The following MTERF4 variants were observed in gnomAD, a reference collection of about 807,000 sequenced individuals.
The protein encoded by MTERF4 is mitochondrial transcription termination factor 4.
In MTERF4, 17 loss-of-function variants were observed where a neutral mutation model predicts 22.5. The ratio of observed to expected loss-of-function variants is 0.75; its 90% CI spans 0.52 to 1.13. The LOEUF (loss-of-function observed/expected upper bound fraction) is 1.13, where lower values mean the gene tolerates loss of function less well. MTERF4 is among the 50% of genes most tolerant of loss of function. MTERF4 has a pLI of 0.00. For synonymous variants in MTERF4, 165 were observed against 175.3 expected (o/e 0.94, Z 0.47); for missense variants, 420 against 466.8 (o/e 0.90, Z 0.92).
chr2:241,071,966 GCCCACC>G, downstream of MTERF4: 1 of 1,112,986 alleles, frequency 9.0e-7, no homozygotes, highest in Non-Finnish European at 1.3e-6. Context: ...TACATGATGA[GCCCACC>G]CCCACCGCCA....
At chr2:241,078,682 TC>T (rs1483388655) in intron 4 of MTERF4, among the ~76,000 whole-genome samples, 1 of 151,870 alleles carries the variant, frequency 6.6e-6, no homozygotes, top group Non-Finnish European at 1.5e-5. Flanking sequence ...GTACAAGGTT[TC>T]TTTCTGAGGT....
At chr2:241,062,994 T>A in the MTERF4 span, 2 of 817,564 alleles carry the variant, frequency 2.4e-6, no homozygotes, top group Non-Finnish European at 3.8e-6. Flanking sequence ...GGTCTCTGTC[T>A]GGATGGCCAG....
At chr2:241,048,837 C>T in the MTERF4 span, 1 of 1,363,142 alleles carries the variant, frequency 7.3e-7, no homozygotes, top group Admixed American at 2.0e-5. Flanking sequence ...ATGGTGGCTT[C>T]GGCCGGGGTC....
chr2:241,079,560 G>C (rs1432681604), intron 4 of MTERF4, among the ~76,000 whole-genome samples: 1 of 152,190 alleles, frequency 6.6e-6, no homozygotes. Flanking sequence ...AGGAGGGAAA[G>C]AACTGCATAA....
intron 1 of MTERF4, chr2:241,102,015 T>C: frequency 1.7e-6 from 1 of 572,278 alleles, no homozygotes; most frequent in African/African-American, 2.0e-5. Flanking sequence ...ATCGCGCCAT[T>C]GCACTCCAGC....
chr2:241,100,800 T>C (rs773103554), intron 1 of MTERF4, among the ~76,000 whole-genome samples: 1 of 152,222 alleles, frequency 6.6e-6, no homozygotes, highest in Non-Finnish European at 1.5e-5. Flanking sequence ...TATTAGTAGT[T>C]GAGTTTTGGA....
downstream of MTERF4, chr2:241,089,212 T>C: frequency 3.8e-6 from 5 of 1,315,600 alleles, no homozygotes; most frequent in Non-Finnish European, 4.1e-6. Flanking sequence ...AACATGTCAC[T>C]GCATGAAAGA....
At chr2:241,064,782 G>T in the MTERF4 span, 110 of 1,229,876 alleles carry the variant, frequency 8.9e-5, no homozygotes, top group South Asian at 1.4e-3. This position sits in a 1 kb window ranked among gnomAD's most constrained non-coding sequence, Gnocchi z 7.0. Flanking sequence ...GAGCAAGGGC[G>T]GGGCTGGAGC....
chr2:241,087,314 G>C, downstream of MTERF4: 1 of 1,381,168 alleles, frequency 7.2e-7, no homozygotes, highest in South Asian at 1.4e-5. Flanking sequence ...TTTACTGTGG[G>C]TTCACATAGC....
Position 241,100,057 on chromosome 2 carries a change from G to A in MTERF4, c.22-163C>T, listed in dbSNP as rs57341268. 8.1e-4 allele frequency: 665 copies of A among 822,678 alleles called. 2 individuals are homozygous for A. The African/African-American group carries it at 1.0e-2, about 12-fold the overall frequency. The allele number at this position is 822,678 out of a possible 1,614,324, so 51.0% of individuals were successfully genotyped here. On this transcript the variant is annotated intron_variant, in intron 1 of 3. Transcript: ENST00000391980. The stretch of plus-strand genomic sequence containing the variant: ...TATCTGAACTTAAGCCTACAGAGAA[G>A]GAAGCTCACAAAGAACAGGGTATTT...
At chr2:241,067,668 C>T (rs1422519940), downstream of MTERF4, 21 of 1,055,146 alleles carry the variant, frequency 2.0e-5, no homozygotes, top group Admixed American at 4.8e-4. Context: ...CTCTGTGGCC[C>T]CCAGCACCCT....
At chr2:241,053,769 G>A in the MTERF4 span, among the ~76,000 whole-genome samples, 1 of 152,174 alleles carries the variant, frequency 6.6e-6, no homozygotes, top group African/African-American at 2.4e-5. Flanking sequence ...AGAGAGCATT[G>A]CCACTGAGGT....
chr2:241,047,329 A>G, the MTERF4 span, among the ~76,000 whole-genome samples: 33 of 152,164 alleles, frequency 2.2e-4, no homozygotes, highest in Non-Finnish European at 1.2e-4. Context: ...ATATACTTGT[A>G]CCTATTAACA....
rs544540766 is a variant in MTERF4, at chr2:241,096,075, CATT to C, written c.1066_1068del (p.Asn356del). ...TCGTCCTCATCATCGTCATCCTCAT[CATT>C]GTCATCCTCATCATTGTCCTCCTCA... On this transcript the variant is annotated inframe_deletion, in exon 4 of 4. Coordinates refer to ENST00000391980, the MANE Select transcript of MTERF4 (RefSeq NM_182501.4). This position sits in a 1 kb window ranked among gnomAD's most constrained non-coding sequence, Gnocchi z 5.1. 3,130 of 1,611,662 alleles carry C rather than the reference CATT, an allele frequency of 1.9e-3. 44 individuals are homozygous for C. In the African/African-American group the frequency reaches 0.035, roughly 18 times the overall value.
At position 241,073,770 on chromosome 2, in the gene MTERF4, C is replaced by T. The variant is rs2062868381; in HGVS notation, n.2392G>A. Reference sequence around the variant, plus strand: ...ATGGGAGAAGCAGAGGGAGCAGCCACTGGGCGAGCCCCAGCTTGAGGACTA... The same window carrying T: ...ATGGGAGAAGCAGAGGGAGCAGCCATTGGGCGAGCCCCAGCTTGAGGACTA... On this transcript the variant is annotated non_coding_transcript_exon_variant, in exon 5 of 5. Transcript: ENST00000464344. This position sits in a 1 kb window ranked among gnomAD's most constrained non-coding sequence, Gnocchi z 6.6. The T allele has an allele frequency of 1.4e-5, 5 of 345,584 alleles. No homozygotes were observed. Among genetic ancestry groups the T allele is most frequent in the Non-Finnish European group, 2.6e-5 (5 of 189,330 alleles). 21.4% of individuals were successfully genotyped at this position (345,584 alleles called of 1,614,324 possible). A position where few individuals can be genotyped will look rare whatever the true frequency, so the allele number is the denominator to read the frequency against.
chr2:241,052,329 G>A, the MTERF4 span: 1 of 1,551,762 alleles, frequency 6.4e-7, no homozygotes, highest in Non-Finnish European at 8.8e-7. Context: ...AGACACAGTG[G>A]CCAGGACCTT....
downstream of MTERF4, chr2:241,090,236 T>C (rs1400485693): frequency 6.7e-7 from 1 of 1,494,870 alleles, no homozygotes; most frequent in Non-Finnish European, 8.9e-7. Flanking sequence ...TTAACTTTTG[T>C]TAAAAACTAA....
the MTERF4 span, among the ~76,000 whole-genome samples, chr2:241,054,973 C>T: frequency 1.3e-3 from 198 of 152,140 alleles, 1 homozygote; most frequent in African/African-American, 4.5e-3. Context: ...AAAAACTAGC[C>T]GGGTGTGGTG....
rs1480194867 is a variant in MTERF4, at chr2:241,073,758, A to G, written n.2404T>C. 1.3e-5 allele frequency: 5 copies of G among 371,908 alleles called. No homozygotes were observed. The highest frequency in any genetic ancestry group is 2.4e-5 in the Non-Finnish European group (5 of 205,750). The allele number at this position is 371,908 out of a possible 1,614,324, so 23.0% of individuals were successfully genotyped here. ...GGCGGAGTCAGGATGGGAGAAGCAG[A>G]GGGAGCAGCCACTGGGCGAGCCCCA... On this transcript the variant is annotated non_coding_transcript_exon_variant, in exon 5 of 5. Transcript: ENST00000464344. The surrounding 1 kb of genome is among the most constrained non-coding windows in gnomAD (Gnocchi z 6.6).
Sources: allele counts gnomAD v4.1 joint callset (sites outside exome capture counted in the v4.1 genomes callset), GRCh38; gene constraint gnomAD v4.1.1; non-coding constraint Gnocchi (gnomAD v3.1); transcripts MANE v1.5; gene names NCBI Gene and HGNC (gene_info 2026-07-23, HGNC 2026-07-21).